ARHGEF11: variants seen among roughly 807,000 people sequenced by gnomAD.
ARHGEF11 encodes Rho guanine exchange factor (GEF) 11.
ARHGEF11 carries 55 observed loss-of-function variants against 193.7 expected under a neutral mutation model. The ratio of observed to expected loss-of-function variants is 0.28; its 90% CI spans 0.23 to 0.36. The LOEUF is 0.36. Ranked by LOEUF, ARHGEF11 falls within the 10% of genes least tolerant of loss-of-function variation. The pLI, the probability that ARHGEF11 is intolerant of heterozygous loss-of-function variation, is 1.00. For synonymous variants in ARHGEF11, 693 were observed against 768.0 expected (o/e 0.90, Z 1.62); for missense variants, 1,723 against 2,005.6 (o/e 0.86, Z 2.69).
At chr1:156,996,721 C>G (rs535419980) in intron 1 of ARHGEF11, among the ~76,000 whole-genome samples, 1 of 134,066 alleles carries the variant, frequency 7.5e-6, no homozygotes, top group Non-Finnish European at 1.5e-5. Flanking sequence ...TGCAGTGAGC[C>G]GAGATCACGC....
rs2102153374 is a variant in ARHGEF11 at position 156,960,580 on chromosome 1, C to T, written c.1240-120G>A. ...TTCTTGCCTTTTCGCCTACATCTGC[C>T]TACCATCCTTCTCATCACTCTCCAA... On this transcript the variant is annotated intron_variant, in intron 14 of 40. Transcript: ENST00000368194. 4 of 840,378 alleles carry T rather than the reference C, an allele frequency of 4.8e-6. No individual in the cohort carries two copies. The East Asian group carries it at 1.0e-4, about 21-fold the overall frequency. 52.1% of individuals were successfully genotyped at this position (840,378 alleles called of 1,614,324 possible).
At chr1:156,989,996 T>C (rs1665488739) in intron 1 of ARHGEF11, among the ~76,000 whole-genome samples, 1 of 152,222 alleles carries the variant, frequency 6.6e-6, no homozygotes, top group Non-Finnish European at 1.5e-5. Context: ...CCAATGAGTC[T>C]GATACAATAT....
chr1:157,036,078 A>AAT (rs1222346636), intron 1 of ARHGEF11, among the ~76,000 whole-genome samples: 3 of 143,910 alleles, frequency 2.1e-5, no homozygotes, highest in Non-Finnish European at 4.5e-5. Context: ...AATCTATATG[A>AAT]ATATATATAT....
chr1:156,980,960 C>T (rs1281790735), intron 3 of ARHGEF11, among the ~76,000 whole-genome samples: 4 of 151,718 alleles, frequency 2.6e-5, no homozygotes, highest in Admixed American at 6.6e-5. Flanking sequence ...AAGATATTCT[C>T]GGTATTCACA....
Position 156,984,391 on chromosome 1 carries a change from G to A in ARHGEF11, c.171C>T (p.Phe57=), listed in dbSNP as rs369099498. 8 of 1,599,578 alleles carry A rather than the reference G, an allele frequency of 5.0e-6. No homozygotes were observed. In the African/African-American group the frequency reaches 8.0e-5, roughly 16 times the overall value. ...CVIIQKDQHG[F]GFTVSGDRIV... is the part of the protein sequence containing the mutation. ...TGCGATCCCCACTGACTGTGAAGCC[G>A]AAGCCATGCTGGTCCTTTTGGATAA... The change falls in exon 3 of 41, where the codon TTC becomes TTT. Residue 57 remains phenylalanine (F), a synonymous_variant. Transcript: ENST00000368194.
chr1:156,936,108 T>C (rs1243087258), intron 40 of ARHGEF11, 50 bp from the exon 41 acceptor site: 3 of 1,568,092 alleles, frequency 1.9e-6, no homozygotes, highest in East Asian at 4.5e-5. Flanking sequence ...AGGTGACCGC[T>C]TCCACATGTT....
At chr1:156,958,491 C>A (rs1299423475) in intron 17 of ARHGEF11, among the ~76,000 whole-genome samples, 1 of 152,144 alleles carries the variant, frequency 6.6e-6, no homozygotes, top group African/African-American at 2.4e-5. Flanking sequence ...AGAAAGCTTA[C>A]CACATTCCTG....
intron 38 of ARHGEF11, among the ~76,000 whole-genome samples, chr1:156,937,796 C>A (rs1049198262): frequency 6.6e-6 from 1 of 152,228 alleles, no homozygotes; most frequent in African/African-American, 2.4e-5. Flanking sequence ...GTGGCTCCCC[C>A]TCCTTGAGTA....
chr1:156,991,448 T>C (rs1665681949), intron 1 of ARHGEF11, among the ~76,000 whole-genome samples: 1 of 152,120 alleles, frequency 6.6e-6, no homozygotes, highest in South Asian at 2.1e-4. Context: ...GCCTCCCAAG[T>C]AGCTGGGATT....
In ARHGEF11 at chr1:156,957,871, TG is replaced by T. The variant is rs1255982563; in HGVS notation, c.1503-57del. ...ACTGCAAAGACAGAGGCTGGTCACC[TG>T]GTTAGAGGCTAGGAGGAGGGTAAGT... is the stretch of plus-strand genomic sequence containing the variant. On this transcript the variant is annotated intron_variant, in intron 17 of 40. Coordinates refer to ENST00000368194, the MANE Select transcript of ARHGEF11 (RefSeq NM_198236.3). 4 of 1,587,434 alleles carry T rather than the reference TG, an allele frequency of 2.5e-6. No homozygotes were observed. The East Asian group carries it at 8.9e-5, about 35-fold the overall frequency.
At chr1:156,947,696 C>G in intron 25 of ARHGEF11, 73 bp downstream of exon 25, 1 of 1,560,422 alleles carries the variant, frequency 6.4e-7, no homozygotes, top group Non-Finnish European at 8.7e-7. Context: ...CTTTCCCACC[C>G]TTGTGTCTTA....
intron 1 of ARHGEF11, among the ~76,000 whole-genome samples, chr1:157,028,146 C>T (rs1670872030): frequency 6.6e-6 from 1 of 152,174 alleles, no homozygotes; most frequent in South Asian, 2.1e-4. Flanking sequence ...TTACGTTAAG[C>T]CCCTGTTTGG....
rs138175079 is a variant in ARHGEF11 at position 156,978,103 on chromosome 1, T to C, written c.510+101A>G. ...TTTCATATGTCTTTTGGCTTGTCTCTGTTTACCACAGCCCCACTGGATTTA... is the reference window on the plus strand; with the variant it reads ...TTTCATATGTCTTTTGGCTTGTCTCCGTTTACCACAGCCCCACTGGATTTA... On this transcript the variant is annotated intron_variant, in intron 6 of 40. Transcript: ENST00000368194. 7.9e-6 allele frequency: 12 copies of C among 1,510,868 alleles called. No individual in the cohort carries two copies. The East Asian group carries it at 2.6e-4, about 33-fold the overall frequency. 93.6% of individuals were successfully genotyped at this position (1,510,868 alleles called of 1,614,324 possible).
intron 25 of ARHGEF11, 65 bp downstream of exon 25, chr1:156,947,704 T>C: frequency 6.3e-7 from 1 of 1,576,686 alleles, no homozygotes; most frequent in East Asian, 2.3e-5. Context: ...CCCTTGTGTC[T>C]TAGGCATTCT....
chr1:156,951,671 AATG>A lies in ARHGEF11; in HGVS notation c.1824_1826del (p.Ile609del). 1 of 1,614,162 alleles carries A rather than the reference AATG, an allele frequency of 6.2e-7. No homozygotes were observed. On this transcript the variant is annotated inframe_deletion, in exon 22 of 41. Transcript: ENST00000368194. ...ACTGCTGGTTGTTCTCAAAGTGCTG[AATG>A]ATGTTCCTCACATTGCCTGGTTTGA...
At chr1:156,995,252 C>T (rs984490083) in intron 1 of ARHGEF11, among the ~76,000 whole-genome samples, 2 of 152,156 alleles carry the variant, frequency 1.3e-5, no homozygotes, top group African/African-American at 4.8e-5. Context: ...CGTGGTTTCC[C>T]ACTGTCCTTG....
Position 157,044,566 on chromosome 1 carries a change from GAAAAGAA to G in ARHGEF11, c.-243_-237del. On this transcript the variant is annotated 5_prime_UTR_variant, in exon 1 of 41. Coordinates refer to ENST00000368194, the MANE Select transcript of ARHGEF11 (RefSeq NM_198236.3). ...TCCCCCGCTTTAAAAAAAAAGAAAAGAAAAGAAAAAAGAAAAAAAAAGGAAAAGAGGA... is the reference window on the plus strand; with the variant it reads ...TCCCCCGCTTTAAAAAAAAAGAAAAGAAAAGAAAAAAAAAGGAAAAGAGGA... 1 of 398,678 alleles carries G rather than the reference GAAAAGAA, an allele frequency of 2.5e-6. No individual in the cohort carries two copies. Among genetic ancestry groups the G allele is most frequent in the Non-Finnish European group, 4.4e-6 (1 of 228,976 alleles). The allele number at this position is 398,678 out of a possible 1,614,324, so 24.7% of individuals were successfully genotyped here.
intron 37 of ARHGEF11, chr1:156,939,165 G>A (rs954495605): frequency 2.2e-5 from 6 of 277,104 alleles, no homozygotes; most frequent in South Asian, 1.5e-4. Context: ...TGTCTTTCCC[G>A]GCCTGAGGCT....
chr1:156,955,653 G>A (rs1659844050), intron 20 of ARHGEF11, 50 bp downstream of exon 20: 1 of 1,439,436 alleles, frequency 6.9e-7, no homozygotes, highest in South Asian at 1.1e-5. Context: ...TGAAAGGGCT[G>A]AGGTCCCTGC....
Sources: gnomAD v4.1 joint callset for allele counts (sites outside exome capture counted in the v4.1 genomes callset) on GRCh38, gnomAD v4.1.1 for gene constraint, MANE v1.5 for transcripts, NCBI Gene and HGNC (gene_info 2026-07-23, HGNC 2026-07-21) for gene names.